DLGAP2: variants seen among roughly 807,000 people sequenced by gnomAD.
The protein encoded by DLGAP2 is disks large-associated protein 2.
A neutral mutation model predicts 100.3 loss-of-function variants in DLGAP2; 26 were observed. The ratio of observed to expected loss-of-function variants is 0.26; its 90% confidence interval spans 0.19 to 0.36. The LOEUF is 0.36. DLGAP2 is among the 10% of genes least tolerant of loss of function. The pLI, the probability that DLGAP2 is intolerant of heterozygous loss-of-function variation, is 1.00. For missense variants in DLGAP2, 1,858 were observed against 1,453.2 expected, an observed-to-expected ratio of 1.28 and a Z score of -4.53; for synonymous variants, 886 against 630.1, an observed-to-expected ratio of 1.41 and a Z score of -6.08.
chr8:1,314,922 A>G (rs1800695490), intron 3 of DLGAP2, among the ~76,000 whole-genome samples: 1 of 152,282 alleles, frequency 6.6e-6, no homozygotes, highest in Non-Finnish European at 1.5e-5. Context: ...TACAGCTCCC[A>G]TGTGCCCTAC....
chr8:995,793 T>C (rs945708547), intron 2 of DLGAP2, among the ~76,000 whole-genome samples: 76 of 152,070 alleles, frequency 5.0e-4, no homozygotes, highest in Admixed American at 3.3e-4. Context: ...AGGTTCCCCC[T>C]GTTTGGTGAT....
intron 3 of DLGAP2, among the ~76,000 whole-genome samples, chr8:1,322,155 T>G (rs1302675522): frequency 1.3e-5 from 2 of 152,228 alleles, no homozygotes; most frequent in Non-Finnish European, 2.9e-5. Flanking sequence ...TCTAGCAAAC[T>G]GTTCCTTCAA....
chr8:1,124,061 C>G (rs1309861954), intron 2 of DLGAP2, among the ~76,000 whole-genome samples: 4 of 152,160 alleles, frequency 2.6e-5, no homozygotes, highest in African/African-American at 7.2e-5. Context: ...GCAGACCAAA[C>G]AGCACTGTCC....
At chr8:1,308,606 A>G (rs1800545086) in intron 3 of DLGAP2, among the ~76,000 whole-genome samples, 1 of 152,160 alleles carries the variant, frequency 6.6e-6, no homozygotes, top group Non-Finnish European at 1.5e-5. Flanking sequence ...GCTCACTGCA[A>G]CCTCAACCTC....
At chr8:805,290 A>G (rs545580500) in intron 1 of DLGAP2, among the ~76,000 whole-genome samples, 1 of 152,176 alleles carries the variant, frequency 6.6e-6, no homozygotes, top group Non-Finnish European at 1.5e-5. Context: ...TTCCTAAATT[A>G]TTTCATTTCT....
chr8:851,572 C>G (rs1797183166), intron 1 of DLGAP2, among the ~76,000 whole-genome samples: 1 of 152,192 alleles, frequency 6.6e-6, no homozygotes, highest in Admixed American at 6.5e-5. Context: ...TTTACAAACA[C>G]CGTTCTGAGA....
chr8:996,138 C>G (rs992769139), intron 2 of DLGAP2, among the ~76,000 whole-genome samples: 1 of 152,204 alleles, frequency 6.6e-6, no homozygotes, highest in African/African-American at 2.4e-5. Flanking sequence ...GACCACTCCC[C>G]TCTGTTCCTC....
At chr8:1,325,725 C>G (rs191574617) in intron 3 of DLGAP2, among the ~76,000 whole-genome samples, 8 of 152,308 alleles carry the variant, frequency 5.3e-5, no homozygotes, top group African/African-American at 1.7e-4. Flanking sequence ...AACTTTGGTA[C>G]CGCTTGCCAA....
intron 3 of DLGAP2, among the ~76,000 whole-genome samples, chr8:1,412,791 C>T (rs1397656304): frequency 1.3e-5 from 2 of 152,172 alleles, no homozygotes; most frequent in African/African-American, 4.8e-5. Flanking sequence ...TCTAACATAC[C>T]CTCCCTATTC....
intron 1 of DLGAP2, among the ~76,000 whole-genome samples, chr8:888,677 C>G (rs1797972008): frequency 6.6e-6 from 1 of 151,728 alleles, no homozygotes; most frequent in South Asian, 2.1e-4. Flanking sequence ...ACTTCAGGCC[C>G]TATTCATCTG....
At chr8:1,280,051 C>T (rs1365736237) in intron 3 of DLGAP2, among the ~76,000 whole-genome samples, 4 of 152,208 alleles carry the variant, frequency 2.6e-5, no homozygotes, top group Non-Finnish European at 5.9e-5. Context: ...TGCTGACATG[C>T]ACTCACGTAA....
chr8:994,264 G>A (rs533871082), intron 2 of DLGAP2, among the ~76,000 whole-genome samples: 143 of 152,194 alleles, frequency 9.4e-4, no homozygotes, highest in Middle Eastern at 6.8e-3. Context: ...GCAGTGGCGC[G>A]ATCTCGGCTC....
At chr8:875,716 A>G (rs1332887730) in intron 1 of DLGAP2, among the ~76,000 whole-genome samples, 1 of 151,462 alleles carries the variant, frequency 6.6e-6, no homozygotes, top group Non-Finnish European at 1.5e-5. Context: ...ATCCCTCCTT[A>G]CTCATTTTTT....
intron 2 of DLGAP2, among the ~76,000 whole-genome samples, chr8:1,199,534 C>G (rs750893201): frequency 9.9e-5 from 15 of 152,274 alleles, no homozygotes; most frequent in Non-Finnish European, 2.2e-4. Context: ...GCACAGCTAC[C>G]TCTTCTAGGT....
chr8:905,633 G>C (rs897464773), intron 1 of DLGAP2, among the ~76,000 whole-genome samples: 1 of 152,138 alleles, frequency 6.6e-6, no homozygotes, highest in African/African-American at 2.4e-5. Flanking sequence ...GGCAGGATGT[G>C]GGCCTCCCGT....
chr8:1,292,691 C>T (rs868727752), intron 3 of DLGAP2, among the ~76,000 whole-genome samples: 3 of 152,132 alleles, frequency 2.0e-5, no homozygotes, highest in Admixed American at 6.5e-5. Flanking sequence ...TGAGAAAGGT[C>T]GCGTGGATGG....
intron 2 of DLGAP2, among the ~76,000 whole-genome samples, chr8:1,101,526 G>C (rs1018186586): frequency 1.3e-5 from 2 of 152,158 alleles, no homozygotes; most frequent in South Asian, 4.1e-4. Context: ...TGCCGGGGCT[G>C]GGGGTGGAGG....
At chr8:857,971 A>G (rs183019636) in intron 1 of DLGAP2, among the ~76,000 whole-genome samples, 1 of 151,892 alleles carries the variant, frequency 6.6e-6, no homozygotes, top group Admixed American at 6.6e-5. Flanking sequence ...CCTGGATTCA[A>G]GTGATTCTTG....
chr8:1,296,694 C>T (rs2116981612), intron 3 of DLGAP2, among the ~76,000 whole-genome samples: 1 of 152,352 alleles, frequency 6.6e-6, no homozygotes, highest in East Asian at 1.9e-4. Context: ...TTCCTCCCCA[C>T]TTTACAAAGG....
Sources: gnomAD v4.1 joint callset for allele counts (sites outside exome capture counted in the v4.1 genomes callset) on GRCh38, gnomAD v4.1.1 for gene constraint, MANE v1.5 for transcripts, NCBI Gene and HGNC (gene_info 2026-07-23, HGNC 2026-07-21) for gene names.